The following AQR variants were observed in gnomAD, a reference collection of about 807,000 sequenced individuals.
The protein encoded by AQR is aquarius intron-binding spliceosomal factor, also known as RNA helicase aquarius.
AQR carries 61 observed loss-of-function variants against 180.5 expected under a neutral mutation model. The ratio of observed to expected loss-of-function variants is 0.34; its 90% CI spans 0.28 to 0.42. The LOEUF is 0.42. AQR is among the 10% of genes least tolerant of loss of function. The probability of loss-of-function intolerance (pLI) is 1.00; values close to 1 mark genes in which losing one functional copy is unlikely to be tolerated. For synonymous variants in AQR, 551 were observed against 588.8 expected, an observed-to-expected ratio of 0.94 and a Z score of 0.93; for missense variants, 1,281 against 1,798.3, an observed-to-expected ratio of 0.71 and a Z score of 5.20.
intron 20 of AQR, 65 bp downstream of exon 20, chr15:34,900,557 C>T (rs1893316136): frequency 6.5e-7 from 1 of 1,546,170 alleles, no homozygotes; most frequent in Admixed American, 1.9e-5. Context: ...AGCTAACAAT[C>T]CTGATGGCAT....
intron 30 of AQR, 126 bp downstream of exon 30, chr15:34,873,702 T>A: frequency 1.4e-6 from 1 of 692,350 alleles, no homozygotes; most frequent in East Asian, 2.8e-5. Context: ...ATTTTTCATA[T>A]GCTATGTGTA....
chr15:34,955,683 A>G (rs1194496013), intron 3 of AQR, among the ~76,000 whole-genome samples: 1 of 152,072 alleles, frequency 6.6e-6, no homozygotes, highest in Admixed American at 6.6e-5. Flanking sequence ...CGAGGCATAC[A>G]GATTACCTGA....
Position 34,900,686 on chromosome 15 carries a change from T to C in AQR, c.2179A>G (p.Ser727Gly). 6.2e-7 allele frequency: 1 copy of C among 1,614,196 alleles called. No individual in the cohort carries two copies. The highest frequency in any genetic ancestry group is 8.5e-7 in the Non-Finnish European group (1 of 1,180,030). The change falls in exon 20 of 35, where the codon AGC becomes GGC. Residue 727 changes from serine to glycine, a missense_variant. Around this residue, in one of 9 missense-constraint regions of AQR, gnomAD observed 112 missense variants for 128.6 expected, o/e 0.87. Transcript: ENST00000156471. ...ACTTTAACATTATGACCAGGGAAGC[T>C]GGCTTTTAAATGCTCAATGGAGAGA... Reference protein sequence around the residue: ...TFLSIEHLKASFPGHNVKVTV... With the variant: ...TFLSIEHLKAGFPGHNVKVTV...
Position 34,900,876 on chromosome 15 carries a change from G to A in AQR, c.2002-13C>T. 1 of 1,574,584 alleles carries A rather than the reference G, an allele frequency of 6.4e-7. No individual in the cohort carries two copies. The highest frequency in any genetic ancestry group is 1.8e-5 in the Admixed American group (1 of 56,294). On this transcript the variant is annotated splice_polypyrimidine_tract_variant and intron_variant, in intron 19 of 34. Transcript: ENST00000156471. ...TCTCCAGCACAGCCTGTCAGTAAAA[G>A]GACAGAAAAAGATTGTGTCAGTATG...
intron 22 of AQR, among the ~76,000 whole-genome samples, chr15:34,895,799 G>A (rs114626238): frequency 0.013 from 2,029 of 152,108 alleles, 54 homozygotes; most frequent in African/African-American, 0.047. Context: ...CAAAACAACA[G>A]ACAGAAAATC....
chr15:34,946,394 C>A (rs1351535406), intron 5 of AQR, among the ~76,000 whole-genome samples: 2 of 151,286 alleles, frequency 1.3e-5, no homozygotes, highest in Non-Finnish European at 2.9e-5. Flanking sequence ...GGGGGTCAGC[C>A]CCCCGCCCGG....
chr15:34,947,043 A>G (rs1358159102), intron 5 of AQR, among the ~76,000 whole-genome samples: 1 of 152,246 alleles, frequency 6.6e-6, no homozygotes, highest in Non-Finnish European at 1.5e-5. Flanking sequence ...GGCCATGATG[A>G]CAATGGCGGT....
Position 34,860,100 on chromosome 15 carries a change from G to A in AQR, c.4085C>T (p.Ala1362Val). The A allele has an allele frequency of 6.6e-7, 1 of 1,522,678 alleles. No homozygotes were observed. The highest frequency in any genetic ancestry group is 8.9e-7 in the Non-Finnish European group (1 of 1,123,098). 94.3% of individuals were successfully genotyped at this position (1,522,678 alleles called of 1,614,324 possible). ...VQIIKNMPQM[A>V]NFVYNMYMHL... ...CATGTACATGTTGTATACAAAGTTT[G>A]CCATCTGGGGCATATTTTTTATTAT... The change falls in exon 34 of 35, where the codon GCA becomes GTA. Residue 1362 changes from alanine to valine, a missense_variant. Physicochemically the swap from Ala to Val is moderately conservative, Grantham distance 64 (BLOSUM62 0). Coordinates refer to ENST00000156471, the MANE Select transcript of AQR (RefSeq NM_014691.3).
At chr15:34,968,235 G>A (rs2050321716) in intron 1 of AQR, among the ~76,000 whole-genome samples, 1 of 141,986 alleles carries the variant, frequency 7.0e-6, no homozygotes, top group Admixed American at 7.4e-5. Context: ...AAGAAGAAAA[G>A]GAAGGAAAGG....
chr15:34,865,353 A>ACT (rs1432845848), intron 32 of AQR, among the ~76,000 whole-genome samples: 2 of 152,078 alleles, frequency 1.3e-5, no homozygotes, highest in Non-Finnish European at 2.9e-5. Context: ...CTGTCCCACT[A>ACT]CTCTGGCTAC....
Position 34,852,186 on chromosome 15 carries a change from T to C in AQR, c.*4606A>G, listed in dbSNP as rs940028991. The C allele has an allele frequency of 6.6e-6, 1 of 152,050 alleles. No individual in the cohort carries two copies. Among genetic ancestry groups the C allele is most frequent in the Non-Finnish European group, 1.5e-5 (1 of 68,036 alleles). 9.4% of individuals were successfully genotyped at this position (152,050 alleles called of 1,614,324 possible). On this transcript the variant is annotated 3_prime_UTR_variant, in exon 35 of 35. Coordinates refer to ENST00000156471, the MANE Select transcript of AQR (RefSeq NM_014691.3). ...CTACCTAAGTTATGTTTTTTTTTTT[T>C]TTTTGAAGGAGTTTTTGCTCGTCGC...
At chr15:34,904,254 C>T in intron 19 of AQR, 82 bp downstream of exon 19, 1 of 1,028,918 alleles carries the variant, frequency 9.7e-7, no homozygotes, top group Non-Finnish European at 1.3e-6. Flanking sequence ...AAATCTTCCT[C>T]TAACCAAATA....
chr15:34,861,530 G>A lies in AQR; in HGVS notation c.4029+1337C>T, dbSNP rs145178928. Among the ~76,000 whole-genome samples the A allele has an allele frequency of 5.9e-3, 903 of 152,274 alleles. 4 individuals carry two copies. The highest frequency in any genetic ancestry group is 8.0e-3 in the Non-Finnish European group (542 of 68,030). On this transcript the variant is annotated intron_variant, in intron 33 of 34. Transcript: ENST00000156471. ...AGCCTTCTGTTCAGTGATATTGTCT[G>A]ACCTGCACTCCAGATTTCTTCAGGT... is the stretch of plus-strand genomic sequence containing the variant.
At chr15:34,957,712 A>T (rs960775624) in intron 3 of AQR, among the ~76,000 whole-genome samples, 4 of 90,286 alleles carry the variant, frequency 4.4e-5, no homozygotes, top group East Asian at 3.3e-4. Flanking sequence ...AAAAAAACAT[A>T]AAAAAAACAT....
chr15:34,955,275 C>T (rs548734118), intron 3 of AQR, among the ~76,000 whole-genome samples: 17 of 152,158 alleles, frequency 1.1e-4, no homozygotes, highest in Non-Finnish European at 1.9e-4. Context: ...AAGGACTTAA[C>T]GTGCATTTCA....
chr15:34,914,932 CT>C, intron 16 of AQR, 105 bp downstream of exon 16: 1 of 1,237,696 alleles, frequency 8.1e-7, no homozygotes, highest in South Asian at 2.0e-5. Context: ...TTAGAGGGCA[CT>C]TTTGTCTCAG....
chr15:34,860,749 T>C (rs1892659413), intron 33 of AQR, among the ~76,000 whole-genome samples: 1 of 152,218 alleles, frequency 6.6e-6, no homozygotes, highest in South Asian at 2.1e-4. Context: ...TTAACACATA[T>C]ACTATGAGTC....
intron 12 of AQR, among the ~76,000 whole-genome samples, chr15:34,927,473 C>T (rs997893893): frequency 2.6e-5 from 4 of 152,100 alleles, no homozygotes; most frequent in Non-Finnish European, 5.9e-5. Context: ...AAGAACTGGT[C>T]GAACAAGACT....
At position 34,853,767 on chromosome 15, in the gene AQR, G is replaced by C. The variant is rs777806751; in HGVS notation, c.*3025C>G. On this transcript the variant is annotated 3_prime_UTR_variant, in exon 35 of 35. Coordinates refer to ENST00000156471, the MANE Select transcript of AQR (RefSeq NM_014691.3). ...TTCATAAACATTACCCTATAAAACA[G>C]ACAACTCTCCTGTCCCAAATCCAAA... 2.6e-5 allele frequency: 4 copies of C among 152,128 alleles called. No homozygotes were observed. The highest frequency in any genetic ancestry group is 5.9e-5 in the Non-Finnish European group (4 of 68,006). The allele number at this position is 152,128 out of a possible 1,614,324, so 9.4% of individuals were successfully genotyped here.
Sources: allele counts gnomAD v4.1 joint callset (sites outside exome capture counted in the v4.1 genomes callset), GRCh38; gene constraint gnomAD v4.1.1; regional missense constraint gnomAD v4.1.1; transcripts MANE v1.5; gene names NCBI Gene and HGNC (gene_info 2026-07-23, HGNC 2026-07-21).